RBMS1: variants seen among roughly 807,000 people sequenced by gnomAD.
The protein encoded by RBMS1 is RNA-binding motif, single-stranded-interacting protein 1.
In RBMS1, 17 loss-of-function variants were observed where a neutral mutation model predicts 62.3. The ratio of observed to expected loss-of-function variants is 0.27; its 90% CI spans 0.19 to 0.41. The LOEUF is 0.41. RBMS1 is among the 10% of genes least tolerant of loss of function. RBMS1 has a pLI of 1.00. For synonymous variants in RBMS1, 172 were observed against 170.0 expected (o/e 1.01, Z -0.09); for missense variants, 334 against 504.5 (o/e 0.66, Z 3.24).
At chr2:160,311,209 A>ACTCTCTCTCTCTCTCT (rs1553505366) in intron 4 of RBMS1, among the ~76,000 whole-genome samples, 2 of 57,726 alleles carry the variant, frequency 3.5e-5, no homozygotes, top group Non-Finnish European at 7.8e-5. Flanking sequence ...AAAAAAAAAA[A>ACTCTCTCTCTCTCTCT]ATCTATCTAT....
intron 9 of RBMS1, chr2:160,283,722 A>G (rs1266072803): frequency 1.3e-5 from 2 of 152,190 alleles, no homozygotes; most frequent in East Asian, 3.8e-4. Context: ...CATATTAATG[A>G]TAATAATCAT....
intron 2 of RBMS1, among the ~76,000 whole-genome samples, 184 bp from the exon 3 acceptor site, chr2:160,318,411 A>T (rs957229401): frequency 6.6e-6 from 1 of 152,178 alleles, no homozygotes; most frequent in Admixed American, 6.5e-5. Flanking sequence ...AAACTGAAAA[A>T]AAGGGAATGG....
intron 2 of RBMS1, among the ~76,000 whole-genome samples, chr2:160,342,927 A>C (rs1214359315): frequency 6.6e-6 from 1 of 152,134 alleles, no homozygotes; most frequent in Admixed American, 6.6e-5. Context: ...AACAAGAGTG[A>C]GACTGCCTCA....
At chr2:160,424,163 C>T (rs538581222) in intron 1 of RBMS1, among the ~76,000 whole-genome samples, 10 of 151,804 alleles carry the variant, frequency 6.6e-5, no homozygotes, top group East Asian at 1.9e-4. Flanking sequence ...GGATTACAGG[C>T]GCCCGCCACC....
intron 1 of RBMS1, among the ~76,000 whole-genome samples, chr2:160,473,355 T>C (rs7426143): frequency 0.23 from 35,429 of 152,170 alleles, 4,800 homozygotes; most frequent in Admixed American, 0.39. Flanking sequence ...AACTGCTGTA[T>C]TGAACATGTA....
At chr2:160,291,644 G>A (rs1688683989) in intron 6 of RBMS1, among the ~76,000 whole-genome samples, 2 of 152,042 alleles carry the variant, frequency 1.3e-5, no homozygotes, top group Non-Finnish European at 2.9e-5. Context: ...TGTGCCTTAG[G>A]TAGTGTTTCT....
intron 2 of RBMS1, among the ~76,000 whole-genome samples, chr2:160,351,054 T>C (rs1010952431): frequency 6.6e-6 from 1 of 151,980 alleles, no homozygotes; most frequent in Non-Finnish European, 1.5e-5. Context: ...GAAACCATCA[T>C]GCTCAGCAAA....
Position 160,367,293 on chromosome 2 carries a change from C to A in RBMS1, c.174G>T (p.Gln58His). The change falls in exon 2 of 14, where the codon CAG (glutamine) becomes CAT (histidine). Residue 58 changes from glutamine to histidine, a missense_variant. Physicochemically the swap from Gln to His is conservative, Grantham distance 24. This residue lies in a region of RBMS1 where 150 missense variants were observed against 228.0 expected (regional missense o/e 0.66). Coordinates refer to ENST00000348849, the MANE Select transcript of RBMS1 (RefSeq NM_016836.4). ...SSSSSNSGWDQLSKTNLYIRG... is the reference protein window; with the variant it reads ...SSSSSNSGWDHLSKTNLYIRG... ...GGATATAGAGGTTCGTTTTGCTGAG[C>A]TGATCCCATCCTGAGTTGCTACTGC... 1 of 1,613,992 alleles carries A rather than the reference C, an allele frequency of 6.2e-7. No homozygotes were observed. Among genetic ancestry groups the A allele is most frequent in the Non-Finnish European group, 8.5e-7 (1 of 1,180,002 alleles).
chr2:160,397,904 A>G (rs1483756549), intron 1 of RBMS1, among the ~76,000 whole-genome samples: 1 of 151,902 alleles, frequency 6.6e-6, no homozygotes, highest in Non-Finnish European at 1.5e-5. Context: ...CTTTCCTCCT[A>G]CTTTGCCTAA....
At chr2:160,298,852 A>C (rs950377888) in intron 6 of RBMS1, among the ~76,000 whole-genome samples, 1 of 152,156 alleles carries the variant, frequency 6.6e-6, no homozygotes, top group Non-Finnish European at 1.5e-5. Flanking sequence ...CTTCCTAAGA[A>C]AGGGAAATCT....
intron 1 of RBMS1, among the ~76,000 whole-genome samples, chr2:160,427,041 G>C (rs2105280355): frequency 6.6e-6 from 1 of 152,264 alleles, no homozygotes; most frequent in South Asian, 2.1e-4. Context: ...GCCTTAACGT[G>C]TTAGACTTTA....
intron 1 of RBMS1, among the ~76,000 whole-genome samples, chr2:160,429,718 T>G (rs1682809749): frequency 6.6e-6 from 1 of 152,220 alleles, no homozygotes; most frequent in South Asian, 2.1e-4. Context: ...TCATTGGGAT[T>G]GTAATCTTTT....
chr2:160,493,685 C>T lies in RBMS1; in HGVS notation c.-322G>A. The T allele has an allele frequency of 2.4e-6, 1 of 419,118 alleles. No homozygotes were observed. The highest frequency in any genetic ancestry group is 4.4e-6 in the Non-Finnish European group (1 of 229,096). The allele number at this position is 419,118 out of a possible 1,614,324, so 26.0% of individuals were successfully genotyped here. On this transcript the variant is annotated 5_prime_UTR_variant, in exon 1 of 14. Transcript: ENST00000348849. ...CTCCCGGAGCCCGACTGCTCCGGGG[C>T]TGCCAAGGGCTGGCGCGCTGGCCGC...
intron 1 of RBMS1, among the ~76,000 whole-genome samples, chr2:160,484,516 A>C (rs527320084): frequency 4.8e-4 from 72 of 150,814 alleles, no homozygotes; most frequent in African/African-American, 1.2e-3. Flanking sequence ...ACAACAACAA[A>C]AAAATGTACG....
At chr2:160,324,897 TATATATATATAC>T (rs764844915) in intron 2 of RBMS1, among the ~76,000 whole-genome samples, 57 of 118,980 alleles carry the variant, frequency 4.8e-4, no homozygotes, top group Non-Finnish European at 7.1e-4. Context: ...TATATATATA[TATATATATATAC>T]ACACACACAC....
chr2:160,405,606 A>C (rs1186599829), intron 1 of RBMS1, among the ~76,000 whole-genome samples: 2 of 152,194 alleles, frequency 1.3e-5, no homozygotes, highest in African/African-American at 4.8e-5. Context: ...TAATGCCTAC[A>C]CATTCATTTC....
intron 11 of RBMS1, chr2:160,278,237 T>C: frequency 2.9e-6 from 1 of 343,130 alleles, no homozygotes; most frequent in Non-Finnish European, 5.4e-6. Flanking sequence ...CCTTCGTCTT[T>C]CGCTTCATGA....
At chr2:160,278,391 G>A (rs1574199978) in intron 11 of RBMS1, 157 bp downstream of exon 11, 1 of 655,850 alleles carries the variant, frequency 1.5e-6, no homozygotes, top group East Asian at 2.7e-5. Flanking sequence ...TTAAGAAATA[G>A]CTGAGTATTT....
intron 1 of RBMS1, among the ~76,000 whole-genome samples, chr2:160,374,849 GA>G (rs1693909939): frequency 6.6e-6 from 1 of 151,920 alleles, no homozygotes; most frequent in South Asian, 2.1e-4. Flanking sequence ...AAAATCATCT[GA>G]ACCCAGGAGG....
Sources: allele counts gnomAD v4.1 joint callset (sites outside exome capture counted in the v4.1 genomes callset), GRCh38; gene constraint gnomAD v4.1.1; regional missense constraint gnomAD v4.1.1; transcripts MANE v1.5; gene names NCBI Gene and HGNC (gene_info 2026-07-23, HGNC 2026-07-21).